BMPER: variants seen among roughly 807,000 people sequenced by gnomAD.
The protein encoded by BMPER is BMP-binding endothelial regulator protein.
A neutral mutation model predicts 87.3 loss-of-function variants in BMPER; 45 were observed. The ratio of observed to expected loss-of-function variants is 0.52; its 90% confidence interval spans 0.41 to 0.66. The LOEUF (loss-of-function observed/expected upper bound fraction) is 0.66. Among genes scored for constraint, BMPER ranks in the 30% least tolerant of loss-of-function variants. BMPER has a pLI of 0.00. For synonymous variants in BMPER, 326 were observed against 316.2 expected, an observed-to-expected ratio of 1.03 and a Z score of -0.33; for missense variants, 784 against 867.5, an observed-to-expected ratio of 0.90 and a Z score of 1.21.
At chr7:34,113,419 G>A (rs1790031840) in intron 13 of BMPER, among the ~76,000 whole-genome samples, 1 of 151,688 alleles carries the variant, frequency 6.6e-6, no homozygotes, top group Admixed American at 6.6e-5. Context: ...CTTGCCCCTA[G>A]ATTAAATAAA....
chr7:33,906,601 T>C (rs1178428216), intron 1 of BMPER, among the ~76,000 whole-genome samples: 1 of 152,230 alleles, frequency 6.6e-6, no homozygotes, highest in Non-Finnish European at 1.5e-5. Context: ...TATCCCTATA[T>C]CATAGTCTTT....
chr7:34,000,438 T>A (rs1219070542), intron 6 of BMPER, among the ~76,000 whole-genome samples: 2 of 152,134 alleles, frequency 1.3e-5, no homozygotes, highest in Non-Finnish European at 2.9e-5. Flanking sequence ...ACTATATTAA[T>A]ATTAAATTTC....
chr7:33,917,336 T>G (rs936817209), intron 2 of BMPER, among the ~76,000 whole-genome samples: 1 of 152,216 alleles, frequency 6.6e-6, no homozygotes, highest in Non-Finnish European at 1.5e-5. Context: ...TCTTGAAAAT[T>G]ATGTTTTTCT....
At chr7:34,102,402 A>G (rs575573169) in intron 13 of BMPER, among the ~76,000 whole-genome samples, 2 of 152,302 alleles carry the variant, frequency 1.3e-5, no homozygotes, top group Admixed American at 1.3e-4. Flanking sequence ...TTCTGCAGGC[A>G]TCACATTCAT....
intron 11 of BMPER, 41 bp from the exon 12 acceptor site, chr7:34,078,816 C>A: frequency 1.2e-6 from 2 of 1,601,774 alleles, no homozygotes; most frequent in Non-Finnish European, 1.7e-6. Context: ...GAATCCTTGG[C>A]TTGGTTTGTG....
At chr7:33,907,034 T>C (rs757321365) in intron 2 of BMPER, 131 bp downstream of exon 2, 9 of 882,282 alleles carry the variant, frequency 1.0e-5, no homozygotes, top group Non-Finnish European at 1.5e-5. Context: ...CTGTACATAG[T>C]TTGTGAGTTG....
intron 13 of BMPER, 143 bp from the exon 14 acceptor site, chr7:34,143,087 G>A: frequency 8.7e-7 from 1 of 1,146,140 alleles, no homozygotes; most frequent in South Asian, 1.3e-5. Flanking sequence ...ACAGAATTTT[G>A]CCAATTTAGA....
In BMPER at chr7:34,085,926, AG is replaced by A. The variant is rs1256168864; in HGVS notation, c.1582del (p.Val528TrpfsTer25). 1 of 1,613,972 alleles carries A rather than the reference AG, an allele frequency of 6.2e-7. No individual in the cohort carries two copies. Among genetic ancestry groups the A allele is most frequent in the Non-Finnish European group, 8.5e-7 (1 of 1,180,020 alleles). ...TGTGGATGACTTTGCTGAATCTTGG[AG>A]GGTGGAGTCCAATGAGTTCTGCAAC... ...FDVDDFAESW[R>X]VESNEFCNRP... is the part of the protein sequence containing the mutation. On this transcript the variant is annotated frameshift_variant, in exon 13 of 15. Transcript: ENST00000649409. LOFTEE classifies it high-confidence loss of function.
In BMPER at chr7:34,068,671, A is replaced by T. The variant is rs989039; in HGVS notation, c.1078+6624A>T. Among the ~76,000 whole-genome samples, 1,154 of 152,206 alleles carry T rather than the reference A, an allele frequency of 7.6e-3. 17 individuals are homozygous for T. The highest frequency in any genetic ancestry group is 0.026 in the African/African-American group (1,097 of 41,518). On this transcript the variant is annotated intron_variant, in intron 11 of 14. Transcript: ENST00000649409. ...TTCAAGTTACTGGGGTCAAGTGAAG[A>T]TCTCCCCAAATTTTCTTTTTAAGTA...
rs529752209 is a variant in BMPER, at chr7:34,103,329, G to A, written c.1745+17237G>A. ...ACCTGGCACTTCTGCTCCCAGGTCC[G>A]TTTAGACCTGTGGCTGTCAAACTTC... On this transcript the variant is annotated intron_variant, in intron 13 of 14. Coordinates refer to ENST00000649409, the MANE Select transcript of BMPER (RefSeq NM_001365308.1). 4.6e-5 allele frequency among the ~76,000 whole-genome samples: 7 copies of A among 152,254 alleles called. No homozygotes were observed. In the East Asian group the frequency reaches 9.6e-4, roughly 21 times the overall value.
chr7:33,957,510 A>C (rs1348627998), intron 3 of BMPER, among the ~76,000 whole-genome samples: 1 of 152,058 alleles, frequency 6.6e-6, no homozygotes, highest in Non-Finnish European at 1.5e-5. Flanking sequence ...TGTTGTGATA[A>C]AACAATTCTG....
At chr7:34,121,166 G>T (rs4720153) in intron 13 of BMPER, among the ~76,000 whole-genome samples, 115,954 of 151,898 alleles carry the variant, frequency 0.76, 44,853 homozygotes, top group East Asian at 0.95. Flanking sequence ...AATAATGGAA[G>T]TAGGGATGGA....
rs964895649 is a variant in BMPER at position 33,909,360 on chromosome 7, TAGAA to T, written c.219+2462_219+2465del. On this transcript the variant is annotated intron_variant, in intron 2 of 14. Transcript: ENST00000649409. ...AAGATGTGAGAAAGTAAGGAGAAAA[TAGAA>T]AGAACATCCAAATTATTTTACCTTT... is the stretch of plus-strand genomic sequence containing the variant. Among the ~76,000 whole-genome samples, 3 of 152,242 alleles carry T rather than the reference TAGAA, an allele frequency of 2.0e-5. No individual in the cohort carries two copies. In the East Asian group the frequency reaches 5.8e-4, roughly 29 times the overall value.
intron 11 of BMPER, among the ~76,000 whole-genome samples, chr7:34,065,251 T>C (rs981035222): frequency 2.8e-5 from 4 of 145,230 alleles, no homozygotes; most frequent in Non-Finnish European, 4.5e-5. Context: ...TCTCTCTCCC[T>C]CTCTCTCTCT....
At chr7:34,148,944 G>A (rs904965432) in intron 14 of BMPER, among the ~76,000 whole-genome samples, 2 of 152,158 alleles carry the variant, frequency 1.3e-5, no homozygotes, top group African/African-American at 2.4e-5. Flanking sequence ...TGAAAGCAGC[G>A]GAGTGGAAAA....
rs192341304 is a variant in BMPER, at chr7:34,094,360, G to A, written c.1745+8268G>A. 3.2e-4 allele frequency among the ~76,000 whole-genome samples: 48 copies of A among 152,306 alleles called. 1 individual carries two copies. Among genetic ancestry groups the A allele is most frequent in the African/African-American group, 1.2e-3 (48 of 41,572 alleles). On this transcript the variant is annotated intron_variant, in intron 13 of 14. Coordinates refer to ENST00000649409, the MANE Select transcript of BMPER (RefSeq NM_001365308.1). ...CAAGAAGAGTAATGGTGGGAATAGG[G>A]TAGTGTGATGGGGTGGGCCTGGGGG...
intron 11 of BMPER, among the ~76,000 whole-genome samples, chr7:34,068,805 T>C (rs1463971248): frequency 6.6e-6 from 1 of 152,194 alleles, no homozygotes; most frequent in Admixed American, 6.5e-5. Context: ...ATCAGGAAAT[T>C]TGTAAGTGAA....
intron 11 of BMPER, among the ~76,000 whole-genome samples, chr7:34,064,577 C>G (rs1309807749): frequency 6.6e-6 from 1 of 152,184 alleles, no homozygotes; most frequent in Non-Finnish European, 1.5e-5. Flanking sequence ...GAGCTCATGC[C>G]TTCTATCACT....
chr7:34,129,257 C>G (rs977885910), intron 13 of BMPER, among the ~76,000 whole-genome samples: 1 of 151,980 alleles, frequency 6.6e-6, no homozygotes, highest in Non-Finnish European at 1.5e-5. Flanking sequence ...AATCTCAACA[C>G]TTTGGGAGGC....
Sources: gnomAD v4.1 joint callset for allele counts (sites outside exome capture counted in the v4.1 genomes callset) on GRCh38, gnomAD v4.1.1 for gene constraint, MANE v1.5 for transcripts, NCBI Gene and HGNC (gene_info 2026-07-23, HGNC 2026-07-21) for gene names.